EIF2B4: variants seen among roughly 807,000 people sequenced by gnomAD.
EIF2B4 encodes eukaryotic translation initiation factor 2B subunit delta, also known as translation initiation factor eIF2B subunit delta.
In EIF2B4, 34 loss-of-function variants were observed where a neutral mutation model predicts 66.7. The observed-to-expected ratio is 0.51, with a 90% CI of 0.39 to 0.68. The LOEUF (loss-of-function observed/expected upper bound fraction) is 0.68, where lower values mean the gene tolerates loss of function less well. Ranked by LOEUF, EIF2B4 falls within the 30% of genes least tolerant of loss-of-function variation. The pLI is 0.00. For missense variants in EIF2B4, 618 were observed against 657.9 expected (o/e 0.94, Z 0.66); for synonymous variants, 278 against 253.6 (o/e 1.10, Z -0.92).
rs76522591 is a variant in EIF2B4, at chr2:27,368,806, G to A, written c.419-73C>T. ...TGTAATTTGCTCTTAGGGTATAAGG[G>A]GCATCAAGAAAAACAGGATGAGGTG... On this transcript the variant is annotated intron_variant, in intron 4 of 12. Transcript: ENST00000347454. 3.7e-3 allele frequency: 5,768 copies of A among 1,539,500 alleles called. 179 individuals are homozygous for A. In the African/African-American group the frequency reaches 0.067, roughly 18 times the overall value.
chr2:27,364,988 C>A, intron 11 of EIF2B4, 90 bp from the exon 12 acceptor site: 1 of 1,302,156 alleles, frequency 7.7e-7, no homozygotes, highest in Non-Finnish European at 1.1e-6. Flanking sequence ...AACATTAAGA[C>A]AAGTAATAAA....
At chr2:27,366,731 C>T (rs1681888981) in intron 11 of EIF2B4, 28 bp downstream of exon 11, 1 of 1,613,832 alleles carries the variant, frequency 6.2e-7, no homozygotes, top group Admixed American at 1.7e-5. Context: ...TCACCGCCAA[C>T]TTTGGAGTCC....
Position 27,366,749 on chromosome 2 carries a change from CT to C in EIF2B4, c.1191+9del. 3 of 1,614,160 alleles carry C rather than the reference CT, an allele frequency of 1.9e-6. No homozygotes were observed. The highest frequency in any genetic ancestry group is 2.5e-6 in the Non-Finnish European group (3 of 1,180,026). ...CCGCCAACTTTGGAGTCCTTTTCCT[CT>C]GTACTTACCTCTGGGAGCACATAGG... On this transcript the variant is annotated intron_variant, in intron 11 of 12. Coordinates refer to ENST00000347454, the MANE Select transcript of EIF2B4 (RefSeq NM_001034116.2).
At chr2:27,369,819 T>C in intron 2 of EIF2B4, 57 bp downstream of exon 2, 1 of 1,530,574 alleles carries the variant, frequency 6.5e-7, no homozygotes, top group African/African-American at 1.4e-5. Context: ...GGAATAAAGC[T>C]GGCACAGCCT....
chr2:27,369,965 A>G (rs951513515), intron 1 of EIF2B4, 46 bp from the exon 2 acceptor site: 4 of 1,555,708 alleles, frequency 2.6e-6, no homozygotes, highest in Non-Finnish European at 3.5e-6. Flanking sequence ...AGACTCCGGG[A>G]GGGTTTGGGG....
At chr2:27,366,405 G>C (rs1461418719) in intron 11 of EIF2B4, 3 of 334,720 alleles carry the variant, frequency 9.0e-6, no homozygotes, top group African/African-American at 6.4e-5. Context: ...AATTGTGGCT[G>C]GGCACAGTGG....
intron 2 of EIF2B4, 137 bp downstream of exon 2, chr2:27,369,739 G>A: frequency 7.0e-7 from 1 of 1,431,708 alleles, no homozygotes; most frequent in Non-Finnish European, 9.6e-7. Context: ...ATATCCCTAG[G>A]GTTGCAAGAC....
chr2:27,369,960 C>G, intron 1 of EIF2B4, 41 bp from the exon 2 acceptor site: 5 of 1,558,736 alleles, frequency 3.2e-6, no homozygotes, highest in Non-Finnish European at 4.3e-6. Flanking sequence ...CAGAGAGACT[C>G]CGGGAGGGTT....
intron 11 of EIF2B4, 68 bp from the exon 12 acceptor site, chr2:27,364,966 T>A: frequency 6.7e-7 from 1 of 1,499,230 alleles, no homozygotes; most frequent in Non-Finnish European, 9.2e-7. Flanking sequence ...GGTCCCCTAC[T>A]TACAGGACAG....
chr2:27,367,901 A>G, intron 7 of EIF2B4, 79 bp from the exon 8 acceptor site: 2 of 1,524,582 alleles, frequency 1.3e-6, no homozygotes, highest in Non-Finnish European at 1.8e-6. Flanking sequence ...AGCTTCACTG[A>G]GGAAAATGTT....
chr2:27,367,750 T>G lies in EIF2B4; in HGVS notation c.778A>C (p.Met260Leu). ...GACTTATAGTGTTGTCCCTACCTCA[T>G]GTAGGGTTTTAGTTTATTCACTAGA... The part of the protein sequence containing the change: ...RDLVNKLKPY[M>L]SFLTQCRPLS... The change falls in exon 8 of 13, where the codon ATG (methionine) becomes CTG (leucine). Residue 260 changes from methionine to leucine, a missense_variant. Met to Leu is a conservative substitution (Grantham distance 15). Transcript: ENST00000347454. 6.2e-7 allele frequency: 1 copy of G among 1,611,932 alleles called. No homozygotes were observed. Among genetic ancestry groups the G allele is most frequent in the Non-Finnish European group, 8.5e-7 (1 of 1,177,990 alleles).
In EIF2B4 at chr2:27,364,874, G is replaced by A; in HGVS notation, c.1216C>T (p.His406Tyr). The change falls in exon 12 of 13, where the codon CAT (histidine) becomes TAT (tyrosine). Residue 406 changes from histidine to tyrosine, a missense_variant. By Grantham distance (83) the His-to-Tyr change is moderately conservative. This residue lies in a region of EIF2B4 where 506 missense variants were observed against 511.9 expected (regional missense o/e 0.99). Transcript: ENST00000347454. ...PEVSKVLLGA[H>Y]ALLANGSVMS... Reference sequence around the variant, plus strand: ...ACAGACCCGTTGGCCAAGAGTGCATGAGCTCCCAATAGCACCTTGGAAACC... The same window carrying A: ...ACAGACCCGTTGGCCAAGAGTGCATAAGCTCCCAATAGCACCTTGGAAACC... 1 of 1,614,116 alleles carries A rather than the reference G, an allele frequency of 6.2e-7. No homozygotes were observed. The highest frequency in any genetic ancestry group is 2.2e-5 in the East Asian group (1 of 44,882).
rs1002297713 is a variant in EIF2B4 at position 27,370,329 on chromosome 2, G to A, written c.-15C>T. ...ACAGCAGCCATCGCCCTCAGTCCTA[G>A]GCTCCGCCCGCCGTGGTCACGGAGC... On this transcript the variant is annotated 5_prime_UTR_variant, in exon 1 of 13. Coordinates refer to ENST00000347454, the MANE Select transcript of EIF2B4 (RefSeq NM_001034116.2). 9 of 1,540,854 alleles carry A rather than the reference G, an allele frequency of 5.8e-6. No homozygotes were observed. Among genetic ancestry groups the A allele is most frequent in the Non-Finnish European group, 7.0e-6 (8 of 1,146,648 alleles).
At position 27,369,012 on chromosome 2, in the gene EIF2B4, G is replaced by C; in HGVS notation, c.412C>G (p.Pro138Ala). The C allele has an allele frequency of 1.2e-6, 2 of 1,613,988 alleles. No homozygotes were observed. The highest frequency in any genetic ancestry group is 1.1e-5 in the South Asian group (1 of 91,084). ...KASPSTAGET[P>A]SGVKRLPEYP... is the part of the protein sequence containing the mutation. Reference sequence around the variant, plus strand: ...TAAAATGAAGGGAAGATACCTGAGGGGGTTTCTCCAGCTGTGCTGGGGCTG... The same window carrying C: ...TAAAATGAAGGGAAGATACCTGAGGCGGTTTCTCCAGCTGTGCTGGGGCTG... Residue 138 changes from proline (P) to alanine (A), a missense_variant, in exon 4 of 13, where the codon CCC becomes GCC. Around this residue, in one of 4 missense-constraint regions of EIF2B4, gnomAD observed 506 missense variants for 511.9 expected, o/e 0.99. Coordinates refer to ENST00000347454, the MANE Select transcript of EIF2B4 (RefSeq NM_001034116.2).
chr2:27,366,636 G>A (rs1044241134), intron 11 of EIF2B4, 123 bp downstream of exon 11: 24 of 1,166,308 alleles, frequency 2.1e-5, no homozygotes, highest in African/African-American at 4.5e-5. Context: ...CTGTGATCAC[G>A]TCGCTGCACT....
intron 9 of EIF2B4, 59 bp from the exon 10 acceptor site, chr2:27,367,260 C>A: frequency 6.2e-7 from 1 of 1,612,516 alleles, no homozygotes; most frequent in South Asian, 1.1e-5. Context: ...CTCTGATGAT[C>A]ATGCCAGGTG....
intron 12 of EIF2B4, 26 bp from the exon 13 acceptor site, chr2:27,364,625 G>T: frequency 6.2e-7 from 1 of 1,614,146 alleles, no homozygotes; most frequent in African/African-American, 1.3e-5. Context: ...TACCCATTAT[G>T]TTCTTTCAGA....
At position 27,368,130 on chromosome 2, in the gene EIF2B4, G is replaced by C. The variant is rs753667257; in HGVS notation, c.600C>G (p.Ser200=). The C allele has an allele frequency of 8.2e-6, 13 of 1,590,598 alleles. No individual in the cohort carries two copies. The Admixed American group carries it at 1.8e-4, about 22-fold the overall frequency. ...GCACCATGGCTGGGTGGATCACAGA[G>C]GATGGGATGCTGATGGGATGGCGGT... ...NSLTQFMSIP[S]SVIHPAMVRL... is the part of the protein sequence containing the mutation. Residue 200 remains serine (S), a synonymous_variant, in exon 7 of 13, where the codon TCC becomes TCG. Transcript: ENST00000347454.
rs1682247067 is a variant in EIF2B4 at position 27,369,924 on chromosome 2, A to G, written c.32-5T>C. The G allele has an allele frequency of 6.3e-7, 1 of 1,581,618 alleles. No individual in the cohort carries two copies. The highest frequency in any genetic ancestry group is 1.3e-5 in the African/African-American group (1 of 74,212). On this transcript the variant is annotated splice_region_variant and splice_polypyrimidine_tract_variant and intron_variant, in intron 1 of 12. Transcript: ENST00000347454. Reference sequence around the variant, plus strand: ...CCTTCATCCCGGATCCCGAGTCTGCATCAGAAAACAGGGCACAAAGTGAGC... The same window carrying G: ...CCTTCATCCCGGATCCCGAGTCTGCGTCAGAAAACAGGGCACAAAGTGAGC...
Sources: allele counts gnomAD v4.1 joint callset, GRCh38; gene constraint gnomAD v4.1.1; regional missense constraint gnomAD v4.1.1; transcripts MANE v1.5; gene names NCBI Gene and HGNC (gene_info 2026-07-23, HGNC 2026-07-21).